PCDH9: variants seen among roughly 807,000 people sequenced by gnomAD.
PCDH9 encodes the protein protocadherin-9.
PCDH9 carries 24 observed loss-of-function variants against 70.6 expected under a neutral mutation model. The ratio of observed to expected loss-of-function variants is 0.34; its 90% CI spans 0.25 to 0.48. The LOEUF (loss-of-function observed/expected upper bound fraction) is 0.48. Ranked by LOEUF, PCDH9 falls within the 20% of genes least tolerant of loss-of-function variation. The pLI, the probability that PCDH9 is intolerant of heterozygous loss-of-function variation, is 0.99. For missense variants in PCDH9, 1,281 were observed against 1,503.6 expected (o/e 0.85, Z 2.45); for synonymous variants, 562 against 558.5 (o/e 1.01, Z -0.09).
chr13:67,104,922 C>A (rs1490323340), intron 2 of PCDH9, among the ~76,000 whole-genome samples: 1 of 152,168 alleles, frequency 6.6e-6, no homozygotes, highest in Non-Finnish European at 1.5e-5. Flanking sequence ...TAAATCAGTT[C>A]CACTTCACTG....
intron 4 of PCDH9, among the ~76,000 whole-genome samples, chr13:66,469,907 G>A (rs114523475): frequency 0.02 from 3,089 of 152,216 alleles, 118 homozygotes; most frequent in African/African-American, 0.07. Context: ...TTCATGGACA[G>A]GGCCACTTTA....
intron 4 of PCDH9, among the ~76,000 whole-genome samples, chr13:66,462,932 GA>G (rs1237151489): frequency 1.3e-5 from 2 of 151,650 alleles, no homozygotes; most frequent in Non-Finnish European, 2.9e-5. Context: ...AAATTGTGAG[GA>G]AAAAAACCTA....
chr13:67,182,628 T>C (rs1174769411), intron 2 of PCDH9, among the ~76,000 whole-genome samples: 2 of 152,186 alleles, frequency 1.3e-5, no homozygotes, highest in Admixed American at 6.5e-5. Flanking sequence ...TAGGATGCAA[T>C]ATAAATCTTT....
intron 4 of PCDH9, among the ~76,000 whole-genome samples, chr13:66,385,754 T>A (rs746967954): frequency 1.3e-5 from 2 of 152,208 alleles, no homozygotes; most frequent in Non-Finnish European, 2.9e-5. Flanking sequence ...ACTGTCATTG[T>A]AATAAGAGTT....
At chr13:66,970,626 GAAAAAAAAAAAAAAAAGC>G (rs1250461056) in intron 2 of PCDH9, among the ~76,000 whole-genome samples, 1 of 53,430 alleles carries the variant, frequency 1.9e-5, no homozygotes, top group Non-Finnish European at 3.6e-5. Context: ...GACCCTGTCT[GAAAAAAAAAAAAAAAAGC>G]AAAAAAAAAA....
chr13:66,535,822 A>G (rs1463349412), intron 4 of PCDH9, among the ~76,000 whole-genome samples: 1 of 152,036 alleles, frequency 6.6e-6, no homozygotes, highest in African/African-American at 2.4e-5. Context: ...CAATTTTTCA[A>G]GAACCATATG....
rs372668548 is a variant in PCDH9 at position 66,981,433 on chromosome 13, C to T, written c.3037-77828G>A. On this transcript the variant is annotated intron_variant, in intron 2 of 4. Coordinates refer to ENST00000377865, the MANE Select transcript of PCDH9 (RefSeq NM_203487.3). ...AGCCTGGGTGACAGAGCGAGACTCC[C>T]TCTCAAAAAAAAAAAAAAAGAAAAA... 8.5e-3 allele frequency among the ~76,000 whole-genome samples: 1,139 copies of T among 134,498 alleles called. 21 individuals are homozygous for T. Among genetic ancestry groups the T allele is most frequent in the African/African-American group, 0.03 (1,094 of 35,886 alleles). 88.2% of individuals were successfully genotyped at this position (134,498 alleles called of 152,430 possible).
At chr13:67,040,854 A>C (rs934429214) in intron 2 of PCDH9, among the ~76,000 whole-genome samples, 1 of 152,208 alleles carries the variant, frequency 6.6e-6, no homozygotes, top group African/African-American at 2.4e-5. Flanking sequence ...TTAAGTATTA[A>C]AAGTCATAAA....
At chr13:66,683,251 C>T (rs931880001) in intron 3 of PCDH9, among the ~76,000 whole-genome samples, 1 of 152,086 alleles carries the variant, frequency 6.6e-6, no homozygotes, top group African/African-American at 2.4e-5. Context: ...TGCCTAGTAC[C>T]AGTTTAGTCC....
At chr13:67,170,366 A>G (rs753968522) in intron 2 of PCDH9, among the ~76,000 whole-genome samples, 3 of 152,202 alleles carry the variant, frequency 2.0e-5, no homozygotes, top group Non-Finnish European at 4.4e-5. Flanking sequence ...TACATTTCGC[A>G]TAAAGTTTCA....
Position 67,081,674 on chromosome 13 carries a change from T to G in PCDH9, c.3036+143731A>C, listed in dbSNP as rs142387667. Among the ~76,000 whole-genome samples, 1,101 of 152,302 alleles carry G rather than the reference T, an allele frequency of 7.2e-3. 11 individuals are homozygous for G. The highest frequency in any genetic ancestry group is 0.025 in the African/African-American group (1,034 of 41,564). ...TTATATGGTTAATTTTGAGGTATGT[T>G]GAAACCATAAAAGTATTATCTATAT... On this transcript the variant is annotated intron_variant, in intron 2 of 4. Coordinates refer to ENST00000377865, the MANE Select transcript of PCDH9 (RefSeq NM_203487.3).
intron 3 of PCDH9, among the ~76,000 whole-genome samples, chr13:66,734,085 T>C (rs2079112387): frequency 6.6e-6 from 1 of 152,150 alleles, no homozygotes; most frequent in Admixed American, 6.6e-5. Flanking sequence ...TATTGGCTAG[T>C]TATACCAGAA....
intron 3 of PCDH9, among the ~76,000 whole-genome samples, chr13:66,739,881 C>T (rs1593984837): frequency 7.2e-6 from 1 of 138,076 alleles, no homozygotes; most frequent in Non-Finnish European, 1.6e-5. Flanking sequence ...GACTCCCACA[C>T]ATTAATAATG....
intron 4 of PCDH9, among the ~76,000 whole-genome samples, chr13:66,598,966 T>C (rs1231659997): frequency 6.6e-6 from 1 of 151,882 alleles, no homozygotes; most frequent in Non-Finnish European, 1.5e-5. Context: ...AGGAGAATAC[T>C]AGCTTTCCTT....
intron 4 of PCDH9, among the ~76,000 whole-genome samples, chr13:66,586,336 ATTGT>A (rs759776763): frequency 3.9e-5 from 6 of 152,112 alleles, no homozygotes; most frequent in Non-Finnish European, 8.8e-5. Flanking sequence ...TTAATTATAG[ATTGT>A]TTATTTTAAT....
At chr13:66,654,168 T>C (rs1657321502) in intron 3 of PCDH9, among the ~76,000 whole-genome samples, 1 of 152,004 alleles carries the variant, frequency 6.6e-6, no homozygotes, top group Non-Finnish European at 1.5e-5. Context: ...TGCAACAACA[T>C]GGATGGAACT....
chr13:66,689,930 T>C (rs1042156172), intron 3 of PCDH9, among the ~76,000 whole-genome samples: 1 of 152,204 alleles, frequency 6.6e-6, no homozygotes, highest in African/African-American at 2.4e-5. Context: ...TGCCTCGAGA[T>C]ATATCCTAAG....
intron 4 of PCDH9, among the ~76,000 whole-genome samples, chr13:66,378,955 C>A (rs970335620): frequency 5.3e-5 from 8 of 152,168 alleles, no homozygotes; most frequent in African/African-American, 1.9e-4. Flanking sequence ...TTCAAGCTGT[C>A]AATATCTGGC....
intron 4 of PCDH9, among the ~76,000 whole-genome samples, chr13:66,482,725 C>T (rs1325138655): frequency 6.6e-6 from 1 of 152,192 alleles, no homozygotes; most frequent in Non-Finnish European, 1.5e-5. Flanking sequence ...ACATGATTTA[C>T]TTCCATTTTA....
Sources: gnomAD v4.1 joint callset for allele counts (sites outside exome capture counted in the v4.1 genomes callset) on GRCh38, gnomAD v4.1.1 for gene constraint, MANE v1.5 for transcripts, NCBI Gene and HGNC (gene_info 2026-07-23, HGNC 2026-07-21) for gene names.